ASPH: variants seen among roughly 807,000 people sequenced by gnomAD.
The protein encoded by ASPH is aspartyl/asparaginyl beta-hydroxylase.
A neutral mutation model predicts 118.4 loss-of-function variants in ASPH; 100 were observed. That is an observed-to-expected ratio of 0.84 (90% CI 0.72 to 1.00). The LOEUF (loss-of-function observed/expected upper bound fraction) is 1.00. Ranked by LOEUF, ASPH falls within the 50% of genes least tolerant of loss-of-function variation. The pLI is 0.00. For synonymous variants in ASPH, 315 were observed against 325.6 expected (o/e 0.97, Z 0.35); for missense variants, 920 against 919.5 (o/e 1.00, Z -0.01).
intron 14 of ASPH, chr8:61,607,411 G>A: frequency 6.7e-6 from 4 of 596,764 alleles, no homozygotes; most frequent in East Asian, 5.8e-5. Flanking sequence ...GAACTCAAAG[G>A]CAAAAATCAG....
intron 14 of ASPH, chr8:61,606,869 C>A: frequency 1.6e-5 from 1 of 62,630 alleles, no homozygotes; most frequent in Non-Finnish European, 3.3e-5. Flanking sequence ...AGCAGAAACA[C>A]CTGTGATTTT....
chr8:61,706,461 G>A, intron 1 of ASPH, among the ~76,000 whole-genome samples: 1 of 138,162 alleles, frequency 7.2e-6, no homozygotes, highest in Non-Finnish European at 1.6e-5. Flanking sequence ...GAAGAAGGAG[G>A]AAGAGGAAGA....
chr8:61,624,965 C>T, intron 13 of ASPH: 1 of 985,044 alleles, frequency 1.0e-6, no homozygotes, highest in Non-Finnish European at 1.2e-6. Flanking sequence ...GGACTCACTA[C>T]ATTGTATAAT....
intron 5 of ASPH, among the ~76,000 whole-genome samples, chr8:61,650,084 A>G (rs1276394834): frequency 6.6e-6 from 1 of 152,080 alleles, no homozygotes; most frequent in Non-Finnish European, 1.5e-5. Flanking sequence ...TTTTATTACC[A>G]TGACAGCACT....
intron 1 of ASPH, among the ~76,000 whole-genome samples, chr8:61,711,471 G>C (rs1254130777): frequency 6.6e-6 from 1 of 151,882 alleles, no homozygotes; most frequent in African/African-American, 2.4e-5. Flanking sequence ...ATATTATAAA[G>C]AGTAAAACTG....
intron 13 of ASPH, chr8:61,625,339 C>A (rs1349327378): frequency 1.4e-5 from 14 of 985,630 alleles, no homozygotes; most frequent in Non-Finnish European, 1.7e-5. Context: ...CAGCTCAAGG[C>A]GTTACTGAGT....
chr8:61,651,324 T>C, intron 4 of ASPH, 200 bp from the exon 5 acceptor site: 1 of 429,816 alleles, frequency 2.3e-6, no homozygotes, highest in Non-Finnish European at 4.1e-6. Flanking sequence ...TTTTATTCTG[T>C]CAACAGACTT....
At chr8:61,698,225 G>C (rs1834393366) in intron 1 of ASPH, among the ~76,000 whole-genome samples, 1 of 152,208 alleles carries the variant, frequency 6.6e-6, no homozygotes, top group South Asian at 2.1e-4. Flanking sequence ...ACAGAAAAAG[G>C]CACAGAAACA....
intron 1 of ASPH, among the ~76,000 whole-genome samples, chr8:61,693,942 G>A (rs779630812): frequency 6.6e-6 from 1 of 152,160 alleles, no homozygotes; most frequent in Non-Finnish European, 1.5e-5. Flanking sequence ...ACAGAGGCAA[G>A]GGCAGCTGGG....
chr8:61,660,844 G>A (rs1413383465), intron 3 of ASPH: 1 of 152,004 alleles, frequency 6.6e-6, no homozygotes. Context: ...ATGGATATTA[G>A]AATTAAATCA....
chr8:61,578,826 G>A, intron 15 of ASPH: 1 of 1,611,660 alleles, frequency 6.2e-7, no homozygotes, highest in Non-Finnish European at 8.5e-7. Flanking sequence ...TGTGGATGAA[G>A]CTTACATGAA....
intron 16 of ASPH, among the ~76,000 whole-genome samples, chr8:61,572,614 C>T (rs1833793951): frequency 6.6e-6 from 1 of 152,326 alleles, no homozygotes; most frequent in East Asian, 1.9e-4. Flanking sequence ...AATCCATCCT[C>T]AAGTCCTTTC....
chr8:61,627,973 A>C (rs546935185), intron 13 of ASPH, among the ~76,000 whole-genome samples: 1 of 152,218 alleles, frequency 6.6e-6, no homozygotes, highest in East Asian at 1.9e-4. Flanking sequence ...TCCAGTTTCC[A>C]TGAAATCAGG....
chr8:61,607,191 A>G (rs904393352), intron 14 of ASPH: 1 of 677,790 alleles, frequency 1.5e-6, no homozygotes, highest in African/African-American at 1.8e-5. Flanking sequence ...CATCCTTCTT[A>G]GCTAGAAGCT....
intron 13 of ASPH, among the ~76,000 whole-genome samples, chr8:61,622,912 T>G (rs1036212916): frequency 1.3e-5 from 2 of 152,224 alleles, no homozygotes; most frequent in Admixed American, 6.5e-5. Flanking sequence ...TTATTTTTGT[T>G]TCTTCTGGAC....
chr8:61,647,279 T>A (rs1283415769), intron 5 of ASPH, among the ~76,000 whole-genome samples: 1 of 152,242 alleles, frequency 6.6e-6, no homozygotes, highest in Admixed American at 6.5e-5. Flanking sequence ...AAGGCTACTC[T>A]ATGGCCTTTT....
intron 22 of ASPH, among the ~76,000 whole-genome samples, chr8:61,518,827 C>T (rs1811871124): frequency 6.6e-6 from 1 of 152,172 alleles, no homozygotes; most frequent in Admixed American, 6.5e-5. Flanking sequence ...TGCTTCTTGG[C>T]AGCGTGTCCA....
chr8:61,597,553 A>G (rs756194496), intron 14 of ASPH, among the ~76,000 whole-genome samples: 7 of 152,332 alleles, frequency 4.6e-5, no homozygotes, highest in Admixed American at 6.5e-5. Context: ...CCCCAAATAA[A>G]TTGAAACAAA....
Position 61,520,419 on chromosome 8 carries a change from T to C in ASPH, c.1901-2296A>G, listed in dbSNP as rs188830945. ...AATTAATGTTAATTGTGTCCTAAGATAATCACATACTGAGAATAAAATAAG... is the reference window on the plus strand; with the variant it reads ...AATTAATGTTAATTGTGTCCTAAGACAATCACATACTGAGAATAAAATAAG... On this transcript the variant is annotated intron_variant, in intron 22 of 24. Coordinates refer to ENST00000379454, the MANE Select transcript of ASPH (RefSeq NM_004318.4). Among the ~76,000 whole-genome samples, 248 of 152,350 alleles carry C rather than the reference T, an allele frequency of 1.6e-3. 1 individual carries two copies. The highest frequency in any genetic ancestry group is 5.7e-3 in the African/African-American group (236 of 41,588).
Sources: allele counts gnomAD v4.1 joint callset (sites outside exome capture counted in the v4.1 genomes callset), GRCh38; gene constraint gnomAD v4.1.1; transcripts MANE v1.5; gene names NCBI Gene and HGNC (gene_info 2026-07-23, HGNC 2026-07-21).